CXCR1: variants seen among roughly 807,000 people sequenced by gnomAD.
The protein encoded by CXCR1 is C-X-C chemokine receptor type 1.
For synonymous variants in CXCR1, 180 were observed against 184.7 expected, an observed-to-expected ratio of 0.97 and a Z score of 0.21; for missense variants, 419 against 440.5, an observed-to-expected ratio of 0.95 and a Z score of 0.44.
In CXCR1 at chr2:218,164,288, G is replaced by A. The variant is rs368619392; in HGVS notation, c.924C>T (p.Ile308=). 62 of 1,612,190 alleles carry A rather than the reference G, an allele frequency of 3.8e-5. No homozygotes were observed. Among genetic ancestry groups the A allele is most frequent in the Middle Eastern group, 3.3e-4 (2 of 6,056 alleles). The change falls in exon 2 of 2, where the codon ATC becomes ATT. Residue 308 remains isoleucine (I), a synonymous_variant. Coordinates refer to ENST00000295683, the MANE Select transcript of CXCR1 (RefSeq NM_000634.3). ...SCLNPIIYAF[I]GQNFRHGFLK... ...GGAATCCATGGCGAAAATTTTGGCCGATGAAGGCGTAGATGATGGGGTTGA... is the reference window on the plus strand; with the variant it reads ...GGAATCCATGGCGAAAATTTTGGCCAATGAAGGCGTAGATGATGGGGTTGA...
rs1691250918 is a variant in CXCR1 at position 218,164,656 on chromosome 2, C to T, written c.556G>A (p.Val186Ile). Residue 186 changes from valine (V) to isoleucine (I), a missense_variant, in exon 2 of 2, where the codon GTT (valine) becomes ATT (isoleucine). By Grantham distance (29) the Val-to-Ile change is conservative (BLOSUM62 3). Coordinates refer to ENST00000295683, the MANE Select transcript of CXCR1 (RefSeq NM_000634.3). ...TCATTTCCCAGGACCTCATAGCAAA[C>T]TGGACTGGAATTGTTTGGATGGTAA... ...QAYHPNNSSP[V>I]CYEVLGNDTA... is the part of the protein sequence containing the mutation. The T allele has an allele frequency of 4.3e-6, 7 of 1,614,112 alleles. No individual in the cohort carries two copies. Among genetic ancestry groups the T allele is most frequent in the South Asian group, 1.1e-5 (1 of 91,094 alleles).
chr2:218,164,777 T>A lies in CXCR1; in HGVS notation c.435A>T (p.Thr145=). The change falls in exon 2 of 2, where the codon ACA becomes ACT. Residue 145 remains threonine (T), a synonymous_variant. Transcript: ENST00000295683. ...TGACCAAGTGACGCTTCTGGGTCAG[T>A]GTGCGTGTGGCATGGACAATGGCCA... ...RYLAIVHATR[T]LTQKRHLVKF... is the part of the protein sequence containing the mutation. The A allele has an allele frequency of 6.2e-7, 1 of 1,614,240 alleles. No individual in the cohort carries two copies. The highest frequency in any genetic ancestry group is 1.7e-5 in the Admixed American group (1 of 60,030).
In CXCR1 at chr2:218,164,495, T is replaced by C. The variant is rs1269446865; in HGVS notation, c.717A>G (p.Arg239=). The change falls in exon 2 of 2, where the codon CGA becomes CGG. Residue 239 remains arginine (R), a synonymous_variant. Coordinates refer to ENST00000295683, the MANE Select transcript of CXCR1 (RefSeq NM_000634.3). Reference sequence around the variant, plus strand: ...CGACAGCAAAGATGACCCTCATGGCTCGGTGCTTCTGCCCCATGTGGGCCT... The same window carrying C: ...CGACAGCAAAGATGACCCTCATGGCCCGGTGCTTCTGCCCCATGTGGGCCT... The part of the protein sequence containing the change: ...LFKAHMGQKH[R]AMRVIFAVVL... The C allele has an allele frequency of 5.6e-6, 9 of 1,614,010 alleles. No homozygotes were observed. Among genetic ancestry groups the C allele is most frequent in the Admixed American group, 5.0e-5 (3 of 59,996 alleles).
At chr2:218,166,493 C>T (rs1691286409) in intron 1 of CXCR1, among the ~76,000 whole-genome samples, 1 of 152,008 alleles carries the variant, frequency 6.6e-6, no homozygotes, top group Non-Finnish European at 1.5e-5. Context: ...GGGTCTCGTA[C>T]CCCTATAGAT....
rs1420800225 is a variant in CXCR1 at position 218,163,777 on chromosome 2, T to C, written c.*382A>G. 7.3e-6 allele frequency: 2 copies of C among 273,678 alleles called. No individual in the cohort carries two copies. Among genetic ancestry groups the C allele is most frequent in the Non-Finnish European group, 1.5e-5 (2 of 133,556 alleles). The allele number at this position is 273,678 out of a possible 1,614,324, so 17.0% of individuals were successfully genotyped here. ...CGCTTAACACTCAGAGTTGAGGAGA[T>C]GCTCCTGTGAGGGTCAACGAGAGCA... On this transcript the variant is annotated 3_prime_UTR_variant, in exon 2 of 2. Transcript: ENST00000295683.
Position 218,165,803 on chromosome 2 carries a change from A to G in CXCR1, c.-33-559T>C, listed in dbSNP as rs1216664057. On this transcript the variant is annotated intron_variant, in intron 1 of 1. Transcript: ENST00000295683. ...TTTAAGCCTTCTTTAAATGAGGAGC[A>G]CATATTTTGTTCCTCTGTCTAAAGG... Among the ~76,000 whole-genome samples the G allele has an allele frequency of 1.3e-5, 2 of 152,220 alleles. 1 individual carries two copies.
In CXCR1 at chr2:218,164,735, G is replaced by C. The variant is rs760555672; in HGVS notation, c.477C>G (p.Gly159=). ...ACAGATTCATAGACAGTCCCCAGCA[G>C]CCAAGACAAACAAACTTGACCAAGT... is the stretch of plus-strand genomic sequence containing the variant. ...KRHLVKFVCL[G]CWGLSMNLSL... Residue 159 remains glycine, a synonymous_variant, in exon 2 of 2, where the codon GGC becomes GGG. Coordinates refer to ENST00000295683, the MANE Select transcript of CXCR1 (RefSeq NM_000634.3). 2 of 1,614,254 alleles carry C rather than the reference G, an allele frequency of 1.2e-6. No homozygotes were observed. Among genetic ancestry groups the C allele is most frequent in the East Asian group, 2.2e-5 (1 of 44,892 alleles).
chr2:218,165,383 T>C (rs1484420973), intron 1 of CXCR1, 139 bp from the exon 2 acceptor site: 6 of 689,712 alleles, frequency 8.7e-6, no homozygotes, highest in Non-Finnish European at 1.5e-5. Context: ...CTCCTTTGAC[T>C]CCAACCTGGT....
chr2:218,164,364 A>T lies in CXCR1; in HGVS notation c.848T>A (p.Ile283Asn). 6.2e-7 allele frequency: 1 copy of T among 1,613,346 alleles called. No homozygotes were observed. Among genetic ancestry groups the T allele is most frequent in the East Asian group, 2.2e-5 (1 of 44,848 alleles). ...CTCAGTGGCATCCAGGGCCCGGCCG[A>T]TGTTGTTGCGGCGCTCACAGCTCTC... ...IQESCERRNN[I>N]GRALDATEIL... is the part of the protein sequence containing the mutation. The change falls in exon 2 of 2, where the codon ATC becomes AAC. Residue 283 changes from isoleucine (I) to asparagine (N), a missense_variant. Ile to Asn is a moderately radical substitution (Grantham distance 149, BLOSUM62 -3). Coordinates refer to ENST00000295683, the MANE Select transcript of CXCR1 (RefSeq NM_000634.3).
rs143097824 is a variant in CXCR1 at position 218,164,496 on chromosome 2, C to G, written c.716G>C (p.Arg239Pro). 1.2e-6 allele frequency: 2 copies of G among 1,614,024 alleles called. No homozygotes were observed. Among genetic ancestry groups the G allele is most frequent in the Admixed American group, 1.7e-5 (1 of 60,000 alleles). The change falls in exon 2 of 2, where the codon CGA becomes CCA. Residue 239 changes from arginine (R) to proline (P), a missense_variant. Coordinates refer to ENST00000295683, the MANE Select transcript of CXCR1 (RefSeq NM_000634.3). ...LFKAHMGQKH[R>P]AMRVIFAVVL... ...GACAGCAAAGATGACCCTCATGGCT[C>G]GGTGCTTCTGCCCCATGTGGGCCTT...
Position 218,165,105 on chromosome 2 carries a change from G to A in CXCR1, c.107C>T (p.Thr36Ile), listed in dbSNP as rs1691261416. 1 of 1,614,218 alleles carries A rather than the reference G, an allele frequency of 6.2e-7. No homozygotes were observed. The highest frequency in any genetic ancestry group is 1.1e-5 in the South Asian group (1 of 91,086). The change falls in exon 2 of 2, where the codon ACA (threonine) becomes ATA (isoleucine). Residue 36 changes from threonine (T) to isoleucine (I), a missense_variant. Coordinates refer to ENST00000295683, the MANE Select transcript of CXCR1 (RefSeq NM_000634.3). Reference sequence around the variant, plus strand: ...GATGATCACAACATACTTGTTGAGTGTCTCAGTTTCTAGCATACAGGGGCT... The same window carrying A: ...GATGATCACAACATACTTGTTGAGTATCTCAGTTTCTAGCATACAGGGGCT... ...DYSPCMLETETLNKYVVIIAY... is the reference protein window; with the variant it reads ...DYSPCMLETEILNKYVVIIAY...
rs144791200 is a variant in CXCR1, at chr2:218,164,186, C to A, written c.1026G>T (p.Ser342=). The change falls in exon 2 of 2, where the codon TCG becomes TCT. Residue 342 remains serine (S), a synonymous_variant. Coordinates refer to ENST00000295683, the MANE Select transcript of CXCR1 (RefSeq NM_000634.3). ...AGAGGTTGGAAGAGACATTGACAGA[C>A]GAAGAAGTGTAGGAGGTAACACGAT... ...ARHRVTSYTS[S]SVNVSSNL 1.2e-6 allele frequency: 2 copies of A among 1,614,102 alleles called. No homozygotes were observed. Among genetic ancestry groups the A allele is most frequent in the Non-Finnish European group, 1.7e-6 (2 of 1,180,030 alleles).
In CXCR1 at chr2:218,164,498, G is replaced by T; in HGVS notation, c.714C>A (p.His238Gln). Residue 238 changes from histidine (H) to glutamine (Q), a missense_variant, in exon 2 of 2, where the codon CAC becomes CAA. Physicochemically the swap from His to Gln is conservative, Grantham distance 24. Transcript: ENST00000295683. ...TLFKAHMGQKHRAMRVIFAVV... is the reference protein window; with the variant it reads ...TLFKAHMGQKQRAMRVIFAVV... ...CAGCAAAGATGACCCTCATGGCTCGGTGCTTCTGCCCCATGTGGGCCTTAA... is the reference window on the plus strand; with the variant it reads ...CAGCAAAGATGACCCTCATGGCTCGTTGCTTCTGCCCCATGTGGGCCTTAA... The T allele has an allele frequency of 6.2e-7, 1 of 1,614,230 alleles. No homozygotes were observed. Among genetic ancestry groups the T allele is most frequent in the Non-Finnish European group, 8.5e-7 (1 of 1,180,044 alleles).
rs758008252 is a variant in CXCR1 at position 218,163,054 on chromosome 2, C to T, written c.*1105G>A. The T allele has an allele frequency of 2.0e-5, 3 of 152,430 alleles. No individual in the cohort carries two copies. The highest frequency in any genetic ancestry group is 6.5e-5 in the Admixed American group (1 of 15,288). 9.4% of individuals were successfully genotyped at this position (152,430 alleles called of 1,614,324 possible). On this transcript the variant is annotated 3_prime_UTR_variant, in exon 2 of 2. Transcript: ENST00000295683. The stretch of plus-strand genomic sequence containing the variant: ...AAGGCCTAACCCAGAAGATGATGCT[C>T]ACCTCAGGGTGAAGCTGAGACTCCC...
At position 218,164,225 on chromosome 2, in the gene CXCR1, C is replaced by T. The variant is rs761897921; in HGVS notation, c.987G>A (p.Glu329=). 6.2e-7 allele frequency: 1 copy of T among 1,614,136 alleles called. No individual in the cohort carries two copies. Among genetic ancestry groups the T allele is most frequent in the South Asian group, 1.1e-5 (1 of 91,080 alleles). The change falls in exon 2 of 2, where the codon GAG becomes GAA. Residue 329 remains glutamate, a synonymous_variant. Coordinates refer to ENST00000295683, the MANE Select transcript of CXCR1 (RefSeq NM_000634.3). ...AGGTAACACGATGACGTGCCAAGAACTCCTTGCTGACCAGGCCATGCATAG... is the reference window on the plus strand; with the variant it reads ...AGGTAACACGATGACGTGCCAAGAATTCCTTGCTGACCAGGCCATGCATAG... ...ILAMHGLVSK[E]FLARHRVTSY... is the part of the protein sequence containing the mutation.
chr2:218,164,879 C>T lies in CXCR1; in HGVS notation c.333G>A (p.Lys111=). 1 of 1,614,274 alleles carries T rather than the reference C, an allele frequency of 6.2e-7. No individual in the cohort carries two copies. Among genetic ancestry groups the T allele is most frequent in the African/African-American group, 1.3e-5 (1 of 75,074 alleles). ...NGWIFGTFLC[K]VVSLLKEVNF... is the part of the protein sequence containing the mutation. Reference sequence around the variant, plus strand: ...TGACTTCCTTCAGGAGTGAGACCACCTTGCACAGGAATGTGCCAAAAATCC... The same window carrying T: ...TGACTTCCTTCAGGAGTGAGACCACTTTGCACAGGAATGTGCCAAAAATCC... Residue 111 remains lysine, a synonymous_variant, in exon 2 of 2, where the codon AAG becomes AAA. Coordinates refer to ENST00000295683, the MANE Select transcript of CXCR1 (RefSeq NM_000634.3).
At chr2:218,166,191 C>A (rs973495952) in intron 1 of CXCR1, among the ~76,000 whole-genome samples, 12 of 152,180 alleles carry the variant, frequency 7.9e-5, no homozygotes, top group African/African-American at 2.9e-4. Context: ...TAATCCCAGC[C>A]CTTTGGGAGG....
Position 218,165,102 on chromosome 2 carries a change from A to T in CXCR1, c.110T>A (p.Leu37His), listed in dbSNP as rs1220019826. The T allele has an allele frequency of 1.9e-6, 3 of 1,614,160 alleles. No homozygotes were observed. In the South Asian group the frequency reaches 3.3e-5, roughly 18 times the overall value. The change falls in exon 2 of 2, where the codon CTC becomes CAC. Residue 37 changes from leucine to histidine, a missense_variant. By Grantham distance (99) the Leu-to-His change is moderately conservative. Coordinates refer to ENST00000295683, the MANE Select transcript of CXCR1 (RefSeq NM_000634.3). ...GGCGATGATCACAACATACTTGTTG[A>T]GTGTCTCAGTTTCTAGCATACAGGG... ...YSPCMLETET[L>H]NKYVVIIAYA...
At position 218,163,917 on chromosome 2, in the gene CXCR1, A is replaced by G; in HGVS notation, c.*242T>C. The stretch of plus-strand genomic sequence containing the variant: ...TAGTGGGTTAAAGATGTGACGTTCA[A>G]CGGGAATGATGGTGCTTCGTTTCCA... On this transcript the variant is annotated 3_prime_UTR_variant, in exon 2 of 2. Coordinates refer to ENST00000295683, the MANE Select transcript of CXCR1 (RefSeq NM_000634.3). 3.7e-6 allele frequency: 2 copies of G among 536,422 alleles called. No homozygotes were observed. Among genetic ancestry groups the G allele is most frequent in the Admixed American group, 6.1e-5 (2 of 33,032 alleles). The allele number at this position is 536,422 out of a possible 1,614,324, so 33.2% of individuals were successfully genotyped here. A position where few individuals can be genotyped will look rare whatever the true frequency, so the allele number is the denominator to read the frequency against.
Sources: gnomAD v4.1 joint callset for allele counts (sites outside exome capture counted in the v4.1 genomes callset) on GRCh38, gnomAD v4.1.1 for gene constraint, MANE v1.5 for transcripts, NCBI Gene and HGNC (gene_info 2026-07-23, HGNC 2026-07-21) for gene names.